Variants in XIRP2 observed in about 807,000 individuals in gnomAD.
The protein encoded by XIRP2 is xin actin binding repeat containing 2, also known as xin actin-binding repeat-containing protein 2.
XIRP2 carries 236 observed loss-of-function variants against 277.0 expected under a neutral mutation model. The observed-to-expected ratio is 0.85, with a 90% CI of 0.77 to 0.95. XIRP2 has a LOEUF of 0.95. Among genes scored for constraint, XIRP2 ranks in the 40% least tolerant of loss-of-function variants. The pLI is 0.00. For synonymous variants in XIRP2, 1,490 were observed against 1,416.5 expected (o/e 1.05, Z -1.17); for missense variants, 4,640 against 4,157.5 (o/e 1.12, Z -3.19).
chr2:166,911,817 T>C (rs988064999), intron 2 of XIRP2, among the ~76,000 whole-genome samples: 1 of 152,190 alleles, frequency 6.6e-6, no homozygotes, highest in African/African-American at 2.4e-5. Context: ...GGTGACAAAA[T>C]CTCTCAGCAT....
At chr2:167,201,212 A>C (rs868350216) in intron 3 of XIRP2, among the ~76,000 whole-genome samples, 4 of 97,986 alleles carry the variant, frequency 4.1e-5, no homozygotes, top group Admixed American at 9.9e-5. Flanking sequence ...GAAAGAAAGA[A>C]AGAAAGAAAG....
intron 2 of XIRP2, among the ~76,000 whole-genome samples, chr2:167,117,619 G>T (rs1280353884): frequency 6.6e-6 from 1 of 151,988 alleles, no homozygotes; most frequent in Non-Finnish European, 1.5e-5. Context: ...TGTGACTGGG[G>T]ACTTCTGCAG....
intron 10 of XIRP2, among the ~76,000 whole-genome samples, chr2:167,255,774 A>C (rs536058181): frequency 6.6e-6 from 1 of 151,878 alleles, no homozygotes; most frequent in East Asian, 1.9e-4. Context: ...TCTGATATTA[A>C]AGCTTGGTTT....
At chr2:167,072,441 C>T (rs1390617030) in intron 2 of XIRP2, among the ~76,000 whole-genome samples, 2 of 152,160 alleles carry the variant, frequency 1.3e-5, no homozygotes, top group Admixed American at 1.3e-4. Context: ...ATGTGGCCTT[C>T]TCCACTCTAT....
intron 3 of XIRP2, among the ~76,000 whole-genome samples, chr2:167,189,129 C>G (rs899278093): frequency 6.6e-6 from 1 of 152,174 alleles, no homozygotes; most frequent in African/African-American, 2.4e-5. Context: ...AAAAACTTCT[C>G]CACCTTAGTA....
Position 167,243,628 on chromosome 2 carries a change from G to A in XIRP2, c.2236G>A (p.Asp746Asn). The part of the protein sequence containing the change: ...FETQPLYVIR[D>N]GSGQMLEIKT... Reference sequence around the variant, plus strand: ...AACTCAACCATTATATGTTATTAGAGATGGTTCGGGCCAAATGCTGGAAAT... The same window carrying A: ...AACTCAACCATTATATGTTATTAGAAATGGTTCGGGCCAAATGCTGGAAAT... Residue 746 changes from aspartate (D) to asparagine (N), a missense_variant, in exon 9 of 11, where the codon GAT becomes AAT. Coordinates refer to ENST00000409195, the MANE Select transcript of XIRP2 (RefSeq NM_152381.6). The A allele has an allele frequency of 2.5e-6, 4 of 1,614,034 alleles. No individual in the cohort carries two copies. The highest frequency in any genetic ancestry group is 3.4e-6 in the Non-Finnish European group (4 of 1,179,984).
In XIRP2 at chr2:166,903,460, T is replaced by C. The variant is rs777045624; in HGVS notation, c.-18-5T>C. ...TCACTGATAAAAGGATTCTTGATAT[T>C]GCAGGACAACCTGGACCCATCCATG... On this transcript the variant is annotated splice_region_variant and splice_polypyrimidine_tract_variant and intron_variant, in intron 1 of 10. Transcript: ENST00000409195. The C allele has an allele frequency of 6.3e-7, 1 of 1,592,852 alleles. No homozygotes were observed. Among genetic ancestry groups the C allele is most frequent in the Non-Finnish European group, 8.6e-7 (1 of 1,167,930 alleles).
chr2:167,101,557 G>A (rs993786565), intron 2 of XIRP2, among the ~76,000 whole-genome samples: 2 of 152,160 alleles, frequency 1.3e-5, no homozygotes, highest in East Asian at 3.9e-4. Context: ...AGTTATGAGT[G>A]AGAACACACG....
chr2:167,103,016 G>A (rs991057826), intron 2 of XIRP2, among the ~76,000 whole-genome samples: 1 of 152,170 alleles, frequency 6.6e-6, no homozygotes, highest in Admixed American at 6.5e-5. Context: ...GCTCATGCCT[G>A]TAGTCCCAGC....
chr2:167,227,839 C>T (rs1160127844), intron 5 of XIRP2, among the ~76,000 whole-genome samples: 2 of 151,944 alleles, frequency 1.3e-5, no homozygotes, highest in Non-Finnish European at 2.9e-5. Context: ...TAGATTGATA[C>T]ACCAATAATT....
chr2:166,969,285 G>A (rs760161835), intron 2 of XIRP2, among the ~76,000 whole-genome samples: 1 of 151,956 alleles, frequency 6.6e-6, no homozygotes, highest in Non-Finnish European at 1.5e-5. Context: ...ATGACACTTT[G>A]AATAGATGTT....
At chr2:167,088,738 C>G (rs1166314607) in intron 2 of XIRP2, among the ~76,000 whole-genome samples, 1 of 152,164 alleles carries the variant, frequency 6.6e-6, no homozygotes, top group South Asian at 2.1e-4. Flanking sequence ...GCTTTCTCAA[C>G]TTCAAACACA....
intron 2 of XIRP2, among the ~76,000 whole-genome samples, chr2:167,128,970 T>G (rs1691296009): frequency 6.6e-6 from 1 of 152,176 alleles, no homozygotes; most frequent in Admixed American, 6.5e-5. Flanking sequence ...ATATAATGAT[T>G]GAAGGGGCTT....
chr2:167,056,865 G>A (rs1054627485), intron 2 of XIRP2, among the ~76,000 whole-genome samples: 1 of 151,978 alleles, frequency 6.6e-6, no homozygotes, highest in Non-Finnish European at 1.5e-5. Flanking sequence ...GGGGAGCTTT[G>A]GTTATATAAT....
Position 167,248,060 on chromosome 2 carries a change from C to T in XIRP2, c.6668C>T (p.Thr2223Ile), listed in dbSNP as rs1454487038. ...LPVEQDTSNV[T>I]EMKVSEKSHN... ...GTAGAGCAAGACACATCCAATGTAA[C>T]AGAAATGAAAGTCTCTGAAAAAAGT... Residue 2223 changes from threonine to isoleucine, a missense_variant, in exon 9 of 11, where the codon ACA becomes ATA. Transcript: ENST00000409195. 2 of 1,613,468 alleles carry T rather than the reference C, an allele frequency of 1.2e-6. No individual in the cohort carries two copies. The highest frequency in any genetic ancestry group is 1.3e-5 in the African/African-American group (1 of 74,848).
chr2:167,119,645 A>G (rs866051857), intron 2 of XIRP2, among the ~76,000 whole-genome samples: 8 of 152,308 alleles, frequency 5.3e-5, no homozygotes, highest in Middle Eastern at 6.8e-3. Flanking sequence ...TAGGTGCCCA[A>G]TGTTTGTTAA....
intron 2 of XIRP2, among the ~76,000 whole-genome samples, chr2:167,086,368 C>A (rs1373572280): frequency 6.6e-6 from 1 of 152,044 alleles, no homozygotes; most frequent in African/African-American, 2.4e-5. Flanking sequence ...CTCTGGCTGC[C>A]CTTCACATTT....
chr2:167,182,919 G>C (rs1693056021), intron 3 of XIRP2, among the ~76,000 whole-genome samples: 1 of 152,124 alleles, frequency 6.6e-6, no homozygotes, highest in African/African-American at 2.4e-5. Flanking sequence ...GGTCTTTTAT[G>C]TCAAAGAGAA....
chr2:167,037,994 A>G (rs1327127422), intron 2 of XIRP2, among the ~76,000 whole-genome samples: 6 of 152,086 alleles, frequency 3.9e-5, no homozygotes, highest in Non-Finnish European at 8.8e-5. Flanking sequence ...AAATTCGAAT[A>G]GTACTAAATG....
Sources: gnomAD v4.1 joint callset for allele counts (sites outside exome capture counted in the v4.1 genomes callset) on GRCh38, gnomAD v4.1.1 for gene constraint, MANE v1.5 for transcripts, NCBI Gene and HGNC (gene_info 2026-07-23, HGNC 2026-07-21) for gene names.